The following LY96 variants were observed in gnomAD, a reference collection of about 807,000 sequenced individuals.
LY96 encodes the protein lymphocyte antigen 96.
LY96 carries 18 observed loss-of-function variants against 18.9 expected under a neutral mutation model. The observed-to-expected ratio is 0.95, with a 90% CI of 0.66 to 1.41. The LOEUF (loss-of-function observed/expected upper bound fraction) is 1.41. Ranked by LOEUF, LY96 falls within the 40% of genes most tolerant of loss-of-function variation. The probability of loss-of-function intolerance (pLI) is 0.00; values close to 1 mark genes in which losing one functional copy is unlikely to be tolerated. For missense variants in LY96, 175 were observed against 182.4 expected (o/e 0.96, Z 0.23); for synonymous variants, 66 against 62.6 (o/e 1.06, Z -0.26).
intron 3 of LY96, among the ~76,000 whole-genome samples, chr8:74,010,363 T>C (rs1816505791): frequency 6.6e-6 from 1 of 152,186 alleles, no homozygotes; most frequent in African/African-American, 2.4e-5. Context: ...CACCAGATTT[T>C]CTATACAGTC....
At chr8:74,024,190 G>A (rs543477586) in intron 3 of LY96, among the ~76,000 whole-genome samples, 2 of 152,068 alleles carry the variant, frequency 1.3e-5, no homozygotes, top group South Asian at 2.1e-4. Flanking sequence ...GCAAAACCCC[G>A]GTCCTCATGG....
At chr8:74,044,526 G>T in the LY96 span, among the ~76,000 whole-genome samples, 2 of 151,934 alleles carry the variant, frequency 1.3e-5, no homozygotes, top group Non-Finnish European at 2.9e-5. Context: ...TAGCCAGAGG[G>T]GCTGTAAAAT....
chr8:74,004,703 G>A, intron 1 of LY96, 93 bp from the exon 2 acceptor site: 2 of 1,177,232 alleles, frequency 1.7e-6, no homozygotes, highest in Non-Finnish European at 2.4e-6. Context: ...TAATTTTAAT[G>A]CAAGATTCAT....
At chr8:74,050,962 G>A in the LY96 span, among the ~76,000 whole-genome samples, 1 of 152,212 alleles carries the variant, frequency 6.6e-6, no homozygotes, top group Non-Finnish European at 1.5e-5. Context: ...GGTGGAGGTT[G>A]CAGTGAGCTG....
intron 3 of LY96, among the ~76,000 whole-genome samples, chr8:74,025,995 G>A (rs768210856): frequency 1.8e-4 from 27 of 152,166 alleles, no homozygotes; most frequent in Admixed American, 2.6e-4. Context: ...GCAACAGAGT[G>A]AGACTCCATC....
At chr8:74,031,201 A>G (rs1563722939), downstream of LY96, among the ~76,000 whole-genome samples, 1 of 152,154 alleles carries the variant, frequency 6.6e-6, no homozygotes, top group African/African-American at 2.4e-5. Context: ...TCTGTATGAA[A>G]TCCGGAGTAT....
At chr8:74,059,895 T>A in the LY96 span, among the ~76,000 whole-genome samples, 501 of 152,346 alleles carry the variant, frequency 3.3e-3, 5 homozygotes, top group African/African-American at 0.011. Context: ...CCCAGCACTT[T>A]GGGAGGCTGA....
chr8:74,091,859 G>C, the LY96 span, among the ~76,000 whole-genome samples: 3 of 152,080 alleles, frequency 2.0e-5, no homozygotes, highest in African/African-American at 4.8e-5. Context: ...CCTCCCTCAA[G>C]CCTTCCTTGA....
the LY96 span, among the ~76,000 whole-genome samples, chr8:74,080,895 G>T: frequency 6.6e-6 from 1 of 152,220 alleles, no homozygotes; most frequent in Non-Finnish European, 1.5e-5. Context: ...GTGCAGAAGA[G>T]AGACTGAATC....
At chr8:74,010,505 A>T (rs1382938338) in intron 3 of LY96, among the ~76,000 whole-genome samples, 15 of 149,414 alleles carry the variant, frequency 1.0e-4, no homozygotes, top group Non-Finnish European at 1.8e-4. Flanking sequence ...AAAAATGAAT[A>T]AAAAAAAGGA....
chr8:74,004,740 A>C, intron 1 of LY96, 56 bp from the exon 2 acceptor site: 1 of 1,446,476 alleles, frequency 6.9e-7, no homozygotes, highest in Non-Finnish European at 9.6e-7. Context: ...TCAGAATACT[A>C]TACTTAATGG....
At chr8:73,993,766 A>G (rs1260794107) in intron 1 of LY96, among the ~76,000 whole-genome samples, 1 of 151,314 alleles carries the variant, frequency 6.6e-6, no homozygotes, top group Non-Finnish European at 1.5e-5. Flanking sequence ...TTTTGTAGAG[A>G]TGGAGTCTTG....
At chr8:74,095,726 C>G in the LY96 span, among the ~76,000 whole-genome samples, 6 of 152,214 alleles carry the variant, frequency 3.9e-5, no homozygotes, top group African/African-American at 9.6e-5. Flanking sequence ...CTGCTTCCTT[C>G]TCTTTTCATT....
the LY96 span, among the ~76,000 whole-genome samples, chr8:74,061,359 T>G: frequency 0.028 from 4,201 of 152,330 alleles, 165 homozygotes; most frequent in African/African-American, 0.093. Context: ...ACAAGATGAC[T>G]GTCTGCTTTG....
At chr8:74,005,723 G>A (rs1188786817) in intron 2 of LY96, among the ~76,000 whole-genome samples, 1 of 152,148 alleles carries the variant, frequency 6.6e-6, no homozygotes, top group Non-Finnish European at 1.5e-5. Flanking sequence ...TAACGCAGGT[G>A]GGGTGATAGC....
the LY96 span, among the ~76,000 whole-genome samples, chr8:74,082,047 C>T: frequency 6.6e-6 from 1 of 152,212 alleles, no homozygotes; most frequent in African/African-American, 2.4e-5. Flanking sequence ...CAGCTTCCTG[C>T]TCCCTGCTTT....
chr8:74,050,829 C>T, the LY96 span, among the ~76,000 whole-genome samples: 1 of 152,136 alleles, frequency 6.6e-6, no homozygotes, highest in African/African-American at 2.4e-5. Context: ...TGAGACCAGC[C>T]TGGACCAACG....
At chr8:74,003,188 ATTG>A (rs907718246) in intron 1 of LY96, among the ~76,000 whole-genome samples, 14 of 141,042 alleles carry the variant, frequency 9.9e-5, no homozygotes, top group East Asian at 6.1e-4. Context: ...ACCCACACCT[ATTG>A]TTGTGGGAAT....
Position 74,013,374 on chromosome 8 carries a change from C to T in LY96, c.331+3245C>T, listed in dbSNP as rs1422507108. 1.2e-4 allele frequency among the ~76,000 whole-genome samples: 18 copies of T among 152,192 alleles called. No individual in the cohort carries two copies. The East Asian group carries it at 1.5e-3, about 13-fold the overall frequency. On this transcript the variant is annotated intron_variant, in intron 3 of 4. Coordinates refer to ENST00000284818, the MANE Select transcript of LY96 (RefSeq NM_015364.5). The stretch of plus-strand genomic sequence containing the variant: ...CTGACCTCAGGCCATCTGCCTGCCT[C>T]GGCCTCCCAAAGTGCCTCCCAAAGT...
Sources: allele counts gnomAD v4.1 joint callset (sites outside exome capture counted in the v4.1 genomes callset), GRCh38; gene constraint gnomAD v4.1.1; transcripts MANE v1.5; gene names NCBI Gene and HGNC (gene_info 2026-07-23, HGNC 2026-07-21).